CDO1: variants seen among roughly 807,000 people sequenced by gnomAD.
CDO1 encodes cysteine dioxygenase, type I.
CDO1 carries 19 observed loss-of-function variants against 24.5 expected under a neutral mutation model. The ratio of observed to expected loss-of-function variants is 0.77; its 90% confidence interval spans 0.54 to 1.14. CDO1 has a LOEUF of 1.14. CDO1 is among the 50% of genes most tolerant of loss of function. The probability of loss-of-function intolerance (pLI) is 0.00; values close to 1 mark genes in which losing one functional copy is unlikely to be tolerated. For synonymous variants in CDO1, 91 were observed against 87.0 expected, an observed-to-expected ratio of 1.05 and a Z score of -0.26; for missense variants, 244 against 244.8, an observed-to-expected ratio of 1.00 and a Z score of 0.02.
intron 1 of CDO1, among the ~76,000 whole-genome samples, chr5:115,814,906 G>A (rs554608946): frequency 6.6e-6 from 1 of 152,208 alleles, no homozygotes; most frequent in East Asian, 1.9e-4. Context: ...TCAATTACCT[G>A]GAGCAAATGC....
chr5:115,805,248 T>C lies in CDO1; in HGVS notation c.*185A>G. On this transcript the variant is annotated 3_prime_UTR_variant, in exon 5 of 5. Coordinates refer to ENST00000250535, the MANE Select transcript of CDO1 (RefSeq NM_001801.3). ...ACTTTCTTTTCCTCAGTGGGACTTT[T>C]CTTCTGCAGTAGCTGAGGGCACTAT... 3 of 513,342 alleles carry C rather than the reference T, an allele frequency of 5.8e-6. No homozygotes were observed. The highest frequency in any genetic ancestry group is 3.5e-6 in the Non-Finnish European group (1 of 288,224). 31.8% of individuals were successfully genotyped at this position (513,342 alleles called of 1,614,324 possible). A position where few individuals can be genotyped will look rare whatever the true frequency, so the allele number is the denominator to read the frequency against.
At position 115,816,424 on chromosome 5, in the gene CDO1, T is replaced by C; in HGVS notation, c.-27A>G. 2 of 1,608,278 alleles carry C rather than the reference T, an allele frequency of 1.2e-6. No homozygotes were observed. The highest frequency in any genetic ancestry group is 1.7e-4 in the Middle Eastern group (1 of 5,988). ...TCGTGGGGAGCTGGCTGCGCGCGCGTCTCACTGCTGGGCTGCGGTGGAGGA... is the reference window on the plus strand; with the variant it reads ...TCGTGGGGAGCTGGCTGCGCGCGCGCCTCACTGCTGGGCTGCGGTGGAGGA... On this transcript the variant is annotated 5_prime_UTR_variant, in exon 1 of 5. Transcript: ENST00000250535.
At position 115,806,486 on chromosome 5, in the gene CDO1, T is replaced by A. The variant is rs751558879; in HGVS notation, c.436A>T (p.Ser146Cys). The A allele has an allele frequency of 6.2e-7, 1 of 1,611,058 alleles. No homozygotes were observed. Among genetic ancestry groups the A allele is most frequent in the East Asian group, 2.2e-5 (1 of 44,720 alleles). Residue 146 changes from serine (S) to cysteine (C), a missense_variant, in exon 4 of 5, where the codon AGC (serine) becomes TGC (cysteine). Coordinates refer to ENST00000250535, the MANE Select transcript of CDO1 (RefSeq NM_001801.3). ...SIGLHRVENISHTEPAVSLHL... is the reference protein window; with the variant it reads ...SIGLHRVENICHTEPAVSLHL... ...AGGCTCACAGCAGGTTCCGTATGGC[T>A]GATGTTCTCTACTCGATGTAAGCCA...
rs149311542 is a variant in CDO1 at position 115,808,300 on chromosome 5, A to G, written c.404-1782T>C. On this transcript the variant is annotated intron_variant, in intron 3 of 4. Coordinates refer to ENST00000250535, the MANE Select transcript of CDO1 (RefSeq NM_001801.3). ...GGCCAGCCCTAGGCTTTTGATAAGA[A>G]CACTAGAAACTAAAAGACAAAGGAA... Among the ~76,000 whole-genome samples the G allele has an allele frequency of 3.1e-3, 478 of 152,268 alleles. 1 individual carries two copies. Among genetic ancestry groups the G allele is most frequent in the South Asian group, 4.6e-3 (22 of 4,826 alleles).
At chr5:115,812,605 G>C (rs915377032) in intron 2 of CDO1, among the ~76,000 whole-genome samples, 5 of 152,196 alleles carry the variant, frequency 3.3e-5, no homozygotes, top group African/African-American at 1.2e-4. Flanking sequence ...AGAAAACAGA[G>C]TATGGTTAAC....
Position 115,806,331 on chromosome 5 carries a change from A to G in CDO1, c.573+18T>C, listed in dbSNP as rs766725666. The G allele has an allele frequency of 3.2e-6, 5 of 1,582,764 alleles. No homozygotes were observed. The highest frequency in any genetic ancestry group is 4.3e-6 in the Non-Finnish European group (5 of 1,163,620). ...GCCAACCTACAGAGCATTTAAACCT[A>G]GAAGAAATTATACTCACATTTGGAG... On this transcript the variant is annotated intron_variant, in intron 4 of 4. Transcript: ENST00000250535.
At chr5:115,811,129 C>T (rs1396985947) in intron 3 of CDO1, 32 bp downstream of exon 3, 1 of 1,597,590 alleles carries the variant, frequency 6.3e-7, no homozygotes, top group Non-Finnish European at 8.5e-7. Context: ...TGGTTCTTCC[C>T]ACTTGCCCTT....
intron 3 of CDO1, among the ~76,000 whole-genome samples, chr5:115,809,920 C>A (rs1368730138): frequency 6.6e-6 from 1 of 152,150 alleles, no homozygotes; most frequent in Admixed American, 6.5e-5. Flanking sequence ...CCAGTTCATA[C>A]CAGGCCTCAC....
chr5:115,816,178 C>T, intron 1 of CDO1, 50 bp downstream of exon 1: 2 of 1,583,222 alleles, frequency 1.3e-6, no homozygotes, highest in Non-Finnish European at 1.7e-6. Flanking sequence ...CATTCCTCCT[C>T]AGACGGGGCG....
At chr5:115,810,030 T>G (rs2112684373) in intron 3 of CDO1, among the ~76,000 whole-genome samples, 1 of 152,346 alleles carries the variant, frequency 6.6e-6, no homozygotes, top group South Asian at 2.1e-4. Context: ...CTTAAAGATC[T>G]GATCTATTTT....
At chr5:115,805,582 T>C (rs1759912237) in intron 4 of CDO1, 120 bp from the exon 5 acceptor site, 1 of 815,524 alleles carries the variant, frequency 1.2e-6, no homozygotes, top group Non-Finnish European at 2.0e-6. Context: ...CAAGGGAGCC[T>C]TGTTGTTTTT....
chr5:115,811,252 C>T lies in CDO1; in HGVS notation c.312G>A (p.Glu104=). The change falls in exon 3 of 5, where the codon GAG becomes GAA. Residue 104 remains glutamate (E), a synonymous_variant. Transcript: ENST00000250535. ...TTTTGTCAGGCCAGGCAAATAATGT[C>T]TCCTTTAGATTTCCCTGTAGCATCT... The part of the protein sequence containing the change: ...FLKMLQGNLK[E]TLFAWPDKKS... 6.2e-7 allele frequency: 1 copy of T among 1,613,132 alleles called. No individual in the cohort carries two copies. Among genetic ancestry groups the T allele is most frequent in the Non-Finnish European group, 8.5e-7 (1 of 1,179,216 alleles).
chr5:115,810,698 A>G (rs1760149760), intron 3 of CDO1, among the ~76,000 whole-genome samples: 1 of 152,230 alleles, frequency 6.6e-6, no homozygotes, highest in South Asian at 2.1e-4. Flanking sequence ...TAAGATATGT[A>G]TAAATCACTG....
chr5:115,814,076 G>A (rs943833172), intron 1 of CDO1: 1 of 152,040 alleles, frequency 6.6e-6, no homozygotes, highest in African/African-American at 2.4e-5. Flanking sequence ...TAAAGAAAAG[G>A]GGTCTTTACT....
intron 3 of CDO1, among the ~76,000 whole-genome samples, chr5:115,808,865 G>A (rs1001156481): frequency 3.3e-5 from 5 of 152,180 alleles, no homozygotes; most frequent in Non-Finnish European, 7.4e-5. Context: ...CACCCCATGA[G>A]GCTTTGTGCT....
At position 115,806,531 on chromosome 5, in the gene CDO1, C is replaced by T. The variant is rs369839442; in HGVS notation, c.404-13G>A. On this transcript the variant is annotated splice_polypyrimidine_tract_variant and intron_variant, in intron 3 of 4. Coordinates refer to ENST00000250535, the MANE Select transcript of CDO1 (RefSeq NM_001801.3). ...AAGCCAATGGAATCTAAACAATATC[C>T]GGGAAGGAAAAATAGATAAAGGAGC... 7.8e-5 allele frequency: 125 copies of T among 1,593,790 alleles called. 1 individual carries two copies. The South Asian group carries it at 7.9e-4, about 10-fold the overall frequency.
Position 115,816,443 on chromosome 5 carries a change from T to G in CDO1, c.-46A>C, listed in dbSNP as rs750086057. 5 of 1,601,246 alleles carry G rather than the reference T, an allele frequency of 3.1e-6. No individual in the cohort carries two copies. Among genetic ancestry groups the G allele is most frequent in the Non-Finnish European group, 3.4e-6 (4 of 1,176,556 alleles). ...CGCGCGTCTCACTGCTGGGCTGCGGTGGAGGAGCTGAGCGAGCCAAGGAGC... is the reference window on the plus strand; with the variant it reads ...CGCGCGTCTCACTGCTGGGCTGCGGGGGAGGAGCTGAGCGAGCCAAGGAGC... On this transcript the variant is annotated 5_prime_UTR_variant, in exon 1 of 5. Transcript: ENST00000250535.
At chr5:115,806,180 A>G (rs962007623) in intron 4 of CDO1, among the ~76,000 whole-genome samples, 169 bp downstream of exon 4, 1 of 152,266 alleles carries the variant, frequency 6.6e-6, no homozygotes, top group African/African-American at 2.4e-5. Context: ...TGGATCTAAC[A>G]TAATAAGTTT....
At chr5:115,806,849 T>C (rs995324376) in intron 3 of CDO1, among the ~76,000 whole-genome samples, 10 of 152,184 alleles carry the variant, frequency 6.6e-5, no homozygotes, top group African/African-American at 2.2e-4. Context: ...AATCCTAAGC[T>C]ATCCATGGAG....
Sources: allele counts gnomAD v4.1 joint callset (sites outside exome capture counted in the v4.1 genomes callset), GRCh38; gene constraint gnomAD v4.1.1; transcripts MANE v1.5; gene names NCBI Gene and HGNC (gene_info 2026-07-23, HGNC 2026-07-21).